SYTL5: variants seen among roughly 807,000 people sequenced by gnomAD.
The protein encoded by SYTL5 is synaptotagmin-like protein 5.
SYTL5 carries 34 observed loss-of-function variants against 55.9 expected under a neutral mutation model. The observed-to-expected ratio is 0.61, with a 90% CI of 0.46 to 0.81. SYTL5 has a LOEUF of 0.81. Among genes scored for constraint, SYTL5 ranks in the 30% least tolerant of loss-of-function variants. The pLI is 0.00. For synonymous variants in SYTL5, 221 were observed against 188.7 expected, an observed-to-expected ratio of 1.17 and a Z score of -1.40; for missense variants, 637 against 546.7, an observed-to-expected ratio of 1.17 and a Z score of -1.65.
At chrX:37,975,389 G>C in the SYTL5 span, among the ~76,000 whole-genome samples, 3 of 111,843 alleles carry the variant, frequency 2.7e-5, no homozygotes, top group East Asian at 8.4e-4. Flanking sequence ...GGAGCAGCAG[G>C]GACTGAGGAA....
the SYTL5 span, among the ~76,000 whole-genome samples, chrX:37,974,948 G>A: frequency 2.7e-5 from 3 of 112,198 alleles, no homozygotes; most frequent in South Asian, 1.1e-3. Flanking sequence ...TAGAAGGTTA[G>A]TGCTTTTGCT....
At chrX:37,975,752 A>G in the SYTL5 span, among the ~76,000 whole-genome samples, 1 of 112,142 alleles carries the variant, frequency 8.9e-6, no homozygotes. Context: ...TTGCTCGTAT[A>G]TTTTCATATG....
At chrX:37,904,270 G>T in the SYTL5 span, among the ~76,000 whole-genome samples, 122 of 105,338 alleles carry the variant, frequency 1.2e-3, no homozygotes, top group Non-Finnish European at 1.7e-3. Flanking sequence ...TGGTCCGGGG[G>T]GGGGGGTGAT....
chrX:38,049,213 A>G (rs1404186136), intron 2 of SYTL5, among the ~76,000 whole-genome samples: 1 of 112,348 alleles, frequency 8.9e-6, no homozygotes, highest in Non-Finnish European at 1.9e-5. Flanking sequence ...AGAAGTACTT[A>G]GCTTGCAGGC....
At chrX:38,049,201 A>C (rs993644203) in intron 2 of SYTL5, among the ~76,000 whole-genome samples, 1 of 112,264 alleles carries the variant, frequency 8.9e-6, no homozygotes, top group Non-Finnish European at 1.9e-5. Context: ...CACTAGTTCT[A>C]GAGAAGTACT....
At chrX:38,011,491 G>C (rs1234236286) in intron 1 of SYTL5, among the ~76,000 whole-genome samples, 1 of 110,968 alleles carries the variant, frequency 9.0e-6, no homozygotes, top group East Asian at 2.8e-4. Context: ...AAAATTAGCC[G>C]GGCGCGGTGG....
chrX:38,081,117 C>G (rs970725641), intron 6 of SYTL5, among the ~76,000 whole-genome samples: 2 of 112,156 alleles, frequency 1.8e-5, no homozygotes, highest in Non-Finnish European at 3.8e-5. Flanking sequence ...AGGAAAATTA[C>G]TTTCACCTCT....
intron 2 of SYTL5, among the ~76,000 whole-genome samples, chrX:38,045,610 T>C (rs906360704): frequency 6.2e-5 from 7 of 112,119 alleles, no homozygotes; most frequent in African/African-American, 2.3e-4. Flanking sequence ...CCTCTTTCCT[T>C]GAGACTATTT....
the SYTL5 span, chrX:37,946,308 T>C: frequency 8.1e-6 from 1 of 124,122 alleles, no homozygotes; most frequent in Non-Finnish European, 1.6e-5. Flanking sequence ...GGTAAGGTGC[T>C]TTGGCTATAC....
the SYTL5 span, among the ~76,000 whole-genome samples, chrX:37,998,945 C>T: frequency 1.8e-5 from 2 of 112,263 alleles, no homozygotes; most frequent in Non-Finnish European, 3.8e-5. Flanking sequence ...GTGCAGCACT[C>T]CTCAGATTAT....
At chrX:37,939,626 G>A in the SYTL5 span, 2 of 112,604 alleles carry the variant, frequency 1.8e-5, no homozygotes, top group Non-Finnish European at 3.7e-5. Flanking sequence ...AATGCAATTA[G>A]TCAAGATACA....
intron 13 of SYTL5, among the ~76,000 whole-genome samples, chrX:38,118,722 C>A (rs990995614): frequency 1.8e-5 from 2 of 110,695 alleles, no homozygotes; most frequent in Non-Finnish European, 3.8e-5. Context: ...CAATGGTAAC[C>A]TATAGCAAAG....
At chrX:37,988,669 A>G in the SYTL5 span, among the ~76,000 whole-genome samples, 1 of 112,514 alleles carries the variant, frequency 8.9e-6, no homozygotes, top group Non-Finnish European at 1.9e-5. Context: ...GAGAAAGTCT[A>G]TATTGTCTTA....
At chrX:37,937,893 G>A in the SYTL5 span, among the ~76,000 whole-genome samples, 4 of 112,334 alleles carry the variant, frequency 3.6e-5, no homozygotes, top group Non-Finnish European at 5.6e-5. Flanking sequence ...AAAGTCTATG[G>A]ATTTAATGAT....
intron 13 of SYTL5, among the ~76,000 whole-genome samples, chrX:38,112,892 G>A (rs775632470): frequency 1.8e-5 from 2 of 112,177 alleles, no homozygotes; most frequent in Admixed American, 9.5e-5. Flanking sequence ...TTATGCAGTC[G>A]AGAAGGTGAA....
chrX:38,096,852 A>G (rs1356846029), intron 9 of SYTL5, among the ~76,000 whole-genome samples: 1 of 111,488 alleles, frequency 9.0e-6, no homozygotes, highest in Admixed American at 9.6e-5. Flanking sequence ...TTCTAAAATG[A>G]AATAATATTT....
At chrX:38,075,387 A>G (rs184636698) in intron 5 of SYTL5, among the ~76,000 whole-genome samples, 1 of 111,988 alleles carries the variant, frequency 8.9e-6, no homozygotes, top group Non-Finnish European at 1.9e-5. Context: ...GAGGGTGTTC[A>G]CCACAAGAGA....
chrX:37,924,468 T>C, the SYTL5 span, among the ~76,000 whole-genome samples: 8 of 111,623 alleles, frequency 7.2e-5, no homozygotes, highest in Non-Finnish European at 1.3e-4. Context: ...CATTGCTCCA[T>C]AAACTGACCA....
chrX:37,999,870 G>A, the SYTL5 span, among the ~76,000 whole-genome samples: 2 of 112,075 alleles, frequency 1.8e-5, no homozygotes, highest in African/African-American at 6.5e-5. Flanking sequence ...AAGCAGGGAT[G>A]AGAGCTGGTC....
Sources: gnomAD v4.1 joint callset for allele counts (sites outside exome capture counted in the v4.1 genomes callset) on GRCh38, gnomAD v4.1.1 for gene constraint, MANE v1.5 for transcripts, NCBI Gene and HGNC (gene_info 2026-07-23, HGNC 2026-07-21) for gene names.